MGMT: variants seen among roughly 807,000 people sequenced by gnomAD.
MGMT encodes the protein methylated-DNA--protein-cysteine methyltransferase.
A neutral mutation model predicts 15.9 loss-of-function variants in MGMT; 14 were observed. The observed-to-expected ratio is 0.88, with a 90% CI of 0.58 to 1.37. The LOEUF (loss-of-function observed/expected upper bound fraction) is 1.37, where lower values mean the gene tolerates loss of function less well. Ranked by LOEUF, MGMT falls within the 40% of genes most tolerant of loss-of-function variation. MGMT has a pLI of 0.00. For missense variants in MGMT, 282 were observed against 268.1 expected (o/e 1.05, Z -0.36); for synonymous variants, 130 against 118.2 (o/e 1.10, Z -0.65).
chr10:129,669,586 A>T (rs60972226), intron 2 of MGMT, among the ~76,000 whole-genome samples: 20,870 of 152,132 alleles, frequency 0.14, 1,717 homozygotes, highest in African/African-American at 0.21. Context: ...CTGCAGATTA[A>T]TAATTTCCAA....
In MGMT at chr10:129,710,769, G is replaced by T. The variant is rs896787178; in HGVS notation, c.274+2726G>T. ...AAAAGTCTTTTGACATCTCAGAGCC[G>T]CCTGGAAGCTGTGGAGTAACAGAAA... is the stretch of plus-strand genomic sequence containing the variant. On this transcript the variant is annotated intron_variant, in intron 3 of 4. Coordinates refer to ENST00000651593, the MANE Select transcript of MGMT (RefSeq NM_002412.5). 3.3e-5 allele frequency among the ~76,000 whole-genome samples: 5 copies of T among 152,192 alleles called. No individual in the cohort carries two copies. In the East Asian group the frequency reaches 9.6e-4, roughly 29 times the overall value.
At chr10:129,703,400 G>A (rs1848121826) in intron 2 of MGMT, among the ~76,000 whole-genome samples, 1 of 152,174 alleles carries the variant, frequency 6.6e-6, no homozygotes, top group African/African-American at 2.4e-5. Context: ...GGGTGATGAA[G>A]GAATCCTAAC....
chr10:129,498,470 G>T (rs188501790), intron 1 of MGMT, among the ~76,000 whole-genome samples: 1 of 152,274 alleles, frequency 6.6e-6, no homozygotes, highest in Admixed American at 6.5e-5. Flanking sequence ...GAACTGTTCT[G>T]TAAGGAAGAG....
At chr10:129,500,903 A>G (rs996729064) in intron 1 of MGMT, among the ~76,000 whole-genome samples, 7 of 152,206 alleles carry the variant, frequency 4.6e-5, no homozygotes, top group Admixed American at 3.3e-4. Flanking sequence ...TAAACAGTTC[A>G]GTGTCTCTGA....
At chr10:129,576,695 G>C (rs1193055505) in intron 2 of MGMT, among the ~76,000 whole-genome samples, 1 of 152,186 alleles carries the variant, frequency 6.6e-6, no homozygotes, top group African/African-American at 2.4e-5. Context: ...GGGCAATCAG[G>C]CAGGAGAAGG....
intron 1 of MGMT, among the ~76,000 whole-genome samples, chr10:129,475,102 C>T (rs1845275898): frequency 6.6e-6 from 1 of 151,950 alleles, no homozygotes; most frequent in Admixed American, 6.6e-5. Flanking sequence ...TGAGAGGTGG[C>T]AAGGTCTGGG....
At chr10:129,689,347 C>G (rs2133126627) in intron 2 of MGMT, among the ~76,000 whole-genome samples, 1 of 152,302 alleles carries the variant, frequency 6.6e-6, no homozygotes, top group Non-Finnish European at 1.5e-5. Context: ...TGTTTCTAAG[C>G]TGAGGAGTTC....
rs1848962021 is a variant in MGMT, at chr10:129,768,317, G to A, written c.*1320G>A. Among the ~76,000 whole-genome samples the A allele has an allele frequency of 6.6e-6, 1 of 152,250 alleles. No homozygotes were observed. The highest frequency in any genetic ancestry group is 2.1e-4 in the South Asian group (1 of 4,828). On this transcript the variant is annotated 3_prime_UTR_variant, in exon 5 of 5. Coordinates refer to ENST00000651593, the MANE Select transcript of MGMT (RefSeq NM_002412.5). The stretch of plus-strand genomic sequence containing the variant: ...AAAATCTCGGTTTTTCCTATGACAT[G>A]AAGTGATGTGACTCTTACCCCGTTG...
At chr10:129,509,665 ATTCTG>A (rs750637262) in intron 1 of MGMT, among the ~76,000 whole-genome samples, 11 of 152,226 alleles carry the variant, frequency 7.2e-5, no homozygotes, top group Non-Finnish European at 1.0e-4. Context: ...TAGACAAGTA[ATTCTG>A]TTCTGCCAAT....
At chr10:129,503,692 T>C (rs1329028677) in intron 1 of MGMT, among the ~76,000 whole-genome samples, 6 of 152,254 alleles carry the variant, frequency 3.9e-5, no homozygotes, top group Admixed American at 3.9e-4. Flanking sequence ...GTGTTATGCC[T>C]AGTTGCATCA....
At chr10:129,625,050 C>G (rs546867367) in intron 2 of MGMT, among the ~76,000 whole-genome samples, 5 of 151,938 alleles carry the variant, frequency 3.3e-5, no homozygotes, top group African/African-American at 1.2e-4. Context: ...AATGAAATGA[C>G]AAATAATATA....
chr10:129,762,449 G>C (rs1848885663), intron 4 of MGMT, among the ~76,000 whole-genome samples: 1 of 152,184 alleles, frequency 6.6e-6, no homozygotes, highest in Admixed American at 6.5e-5. Context: ...TATCCTAGGA[G>C]CTTGATTTCT....
In MGMT at chr10:129,556,953, C is replaced by T. The variant is rs779974230; in HGVS notation, c.125+20576C>T. Reference sequence around the variant, plus strand: ...GGGGCCCGTGATGTTGAGTGTTCACCGTCTTTCAGAACGTTTGTGCGGTGG... The same window carrying T: ...GGGGCCCGTGATGTTGAGTGTTCACTGTCTTTCAGAACGTTTGTGCGGTGG... On this transcript the variant is annotated intron_variant, in intron 2 of 4. Coordinates refer to ENST00000651593, the MANE Select transcript of MGMT (RefSeq NM_002412.5). This position sits in a 1 kb window ranked among gnomAD's most constrained non-coding sequence, Gnocchi z 4.3. 9.9e-5 allele frequency among the ~76,000 whole-genome samples: 15 copies of T among 152,086 alleles called. No individual in the cohort carries two copies. Among genetic ancestry groups the T allele is most frequent in the African/African-American group, 1.9e-4 (8 of 41,402 alleles).
At chr10:129,591,082 A>G (rs1035520165) in intron 2 of MGMT, among the ~76,000 whole-genome samples, 4 of 152,174 alleles carry the variant, frequency 2.6e-5, no homozygotes, top group Admixed American at 2.0e-4. Flanking sequence ...AGGGATGGGC[A>G]GGCCTGCAGA....
At chr10:129,580,667 C>G (rs916606920) in intron 2 of MGMT, among the ~76,000 whole-genome samples, 4 of 152,206 alleles carry the variant, frequency 2.6e-5, no homozygotes, top group Admixed American at 2.6e-4. Flanking sequence ...GGATGCTGGA[C>G]AGACATCCTG....
At chr10:129,640,186 C>T (rs1847312624) in intron 2 of MGMT, among the ~76,000 whole-genome samples, 2 of 151,776 alleles carry the variant, frequency 1.3e-5, no homozygotes, top group South Asian at 4.2e-4. Context: ...CATCCTTCTC[C>T]TCCCGGGTTC....
intron 1 of MGMT, among the ~76,000 whole-genome samples, chr10:129,472,849 G>A (rs1304994869): frequency 6.6e-6 from 1 of 152,208 alleles, no homozygotes; most frequent in Non-Finnish European, 1.5e-5. Flanking sequence ...CATTGTCTGT[G>A]TGCAGCATAA....
chr10:129,572,641 A>G (rs1295690564), intron 2 of MGMT, among the ~76,000 whole-genome samples: 1 of 152,240 alleles, frequency 6.6e-6, no homozygotes, highest in African/African-American at 2.4e-5. Context: ...ATAAACTATG[A>G]CAAATTAATT....
intron 1 of MGMT, among the ~76,000 whole-genome samples, chr10:129,512,440 A>C (rs1449111747): frequency 6.6e-6 from 1 of 152,144 alleles, no homozygotes; most frequent in Non-Finnish European, 1.5e-5. Flanking sequence ...TCAACACCCT[A>C]GAGTCAGACC....
Sources: gnomAD v4.1 joint callset for allele counts (sites outside exome capture counted in the v4.1 genomes callset) on GRCh38, gnomAD v4.1.1 for gene constraint, Gnocchi (gnomAD v3.1) non-coding constraint, MANE v1.5 for transcripts, NCBI Gene and HGNC (gene_info 2026-07-23, HGNC 2026-07-21) for gene names.